The following KCNH7 variants were observed in gnomAD, a reference collection of about 807,000 sequenced individuals.
KCNH7 encodes voltage-gated inwardly rectifying potassium channel KCNH7.
Under a neutral mutation model 120.8 loss-of-function variants are expected in KCNH7, and 49 were observed. The observed-to-expected ratio is 0.41, with a 90% CI of 0.32 to 0.51. The LOEUF is 0.51. Ranked by LOEUF, KCNH7 falls within the 20% of genes least tolerant of loss-of-function variation. The pLI, the probability that KCNH7 is intolerant of heterozygous loss-of-function variation, is 0.38. For synonymous variants in KCNH7, 547 were observed against 516.1 expected (o/e 1.06, Z -0.81); for missense variants, 1,097 against 1,446.6 (o/e 0.76, Z 3.92).
rs773780548 is a variant in KCNH7, at chr2:162,512,666, G to A, written c.901C>T (p.Arg301Cys). The change falls in exon 5 of 16, where the codon CGC becomes TGC. Residue 301 changes from arginine (R) to cysteine (C), a missense_variant. Physicochemically the swap from Arg to Cys is radical, Grantham distance 180 (BLOSUM62 -3). Coordinates refer to ENST00000332142, the MANE Select transcript of KCNH7 (RefSeq NM_033272.4). ...RDRHASEDNG[R>C]NVKGPFNHIK... is the part of the protein sequence containing the mutation. Reference sequence around the variant, plus strand: ...GTTTGTACATTACCTTTGACATTGCGACCATTGTCTGTTTTGAGCACATAA... The same window carrying A: ...GTTTGTACATTACCTTTGACATTGCAACCATTGTCTGTTTTGAGCACATAA... The A allele has an allele frequency of 2.2e-5, 35 of 1,608,120 alleles. No homozygotes were observed. Among genetic ancestry groups the A allele is most frequent in the South Asian group, 1.5e-4 (14 of 90,462 alleles).
chr2:162,791,966 A>AT (rs1267533584), intron 2 of KCNH7, among the ~76,000 whole-genome samples: 1 of 151,682 alleles, frequency 6.6e-6, no homozygotes, highest in Non-Finnish European at 1.5e-5. Context: ...TCAATACCTA[A>AT]TTTATCGAGT....
intron 2 of KCNH7, among the ~76,000 whole-genome samples, chr2:162,658,619 C>T (rs1291991872): frequency 1.3e-5 from 2 of 152,064 alleles, no homozygotes; most frequent in African/African-American, 2.4e-5. Context: ...GGTTTCTCTT[C>T]GTTTATTTAG....
At chr2:162,444,599 A>G (rs1688524547) in intron 7 of KCNH7, among the ~76,000 whole-genome samples, 1 of 152,126 alleles carries the variant, frequency 6.6e-6, no homozygotes, top group South Asian at 2.1e-4. Context: ...AAAGACACAA[A>G]CTTCTTACAA....
chr2:162,449,768 C>CTGTGT (rs1368165092), intron 6 of KCNH7, among the ~76,000 whole-genome samples: 2 of 152,066 alleles, frequency 1.3e-5, no homozygotes, highest in Non-Finnish European at 2.9e-5. Flanking sequence ...TTTCAGACTT[C>CTGTGT]TAGACCACAG....
chr2:162,739,340 T>C (rs1326975741), intron 2 of KCNH7, among the ~76,000 whole-genome samples: 2 of 152,184 alleles, frequency 1.3e-5, no homozygotes, highest in South Asian at 2.1e-4. Context: ...TAATGTCAAC[T>C]GTCTACTCTC....
At chr2:162,766,803 G>C (rs1682829063) in intron 2 of KCNH7, among the ~76,000 whole-genome samples, 1 of 147,774 alleles carries the variant, frequency 6.8e-6, no homozygotes, top group South Asian at 2.1e-4. Context: ...CTCCAGAGAA[G>C]ATTTGATGCT....
At chr2:162,810,009 G>A (rs1684684442) in intron 2 of KCNH7, among the ~76,000 whole-genome samples, 1 of 23,478 alleles carries the variant, frequency 4.3e-5, no homozygotes, top group African/African-American at 1.2e-4. Flanking sequence ...TCCGCCTCCC[G>A]GGTTCACGCC....
intron 6 of KCNH7, among the ~76,000 whole-genome samples, chr2:162,484,150 A>G (rs137927800): frequency 7.2e-5 from 11 of 152,194 alleles, no homozygotes; most frequent in African/African-American, 2.6e-4. Context: ...GATATTGGGA[A>G]GCTCAGAATA....
intron 2 of KCNH7, among the ~76,000 whole-genome samples, chr2:162,775,788 A>C (rs1574373437): frequency 6.6e-6 from 1 of 152,312 alleles, no homozygotes; most frequent in Non-Finnish European, 1.5e-5. Context: ...GGCATAAGTG[A>C]ATATAGACTT....
intron 5 of KCNH7, among the ~76,000 whole-genome samples, chr2:162,507,945 C>T (rs79664485): frequency 1.3e-3 from 195 of 151,586 alleles, no homozygotes; most frequent in Non-Finnish European, 2.3e-3. Flanking sequence ...ATGTACTTAA[C>T]GCTTTTAAAA....
chr2:162,407,118 A>C (rs1346627328), intron 9 of KCNH7, among the ~76,000 whole-genome samples: 1 of 152,064 alleles, frequency 6.6e-6, no homozygotes, highest in Non-Finnish European at 1.5e-5. Flanking sequence ...ATTGTTGTCA[A>C]AGCAGAGCAT....
chr2:162,812,818 G>A (rs1047688164), intron 2 of KCNH7, among the ~76,000 whole-genome samples: 3 of 152,022 alleles, frequency 2.0e-5, no homozygotes, highest in Admixed American at 1.3e-4. Context: ...AAGACATTGC[G>A]TTATCAAGAA....
At chr2:162,820,407 A>G (rs1685078380) in intron 2 of KCNH7, among the ~76,000 whole-genome samples, 1 of 152,042 alleles carries the variant, frequency 6.6e-6, no homozygotes, top group Non-Finnish European at 1.5e-5. Context: ...ACAAATACAA[A>G]ATGAAGGGTA....
chr2:162,428,805 A>G (rs549023664), intron 8 of KCNH7, among the ~76,000 whole-genome samples: 3 of 151,854 alleles, frequency 2.0e-5, no homozygotes, highest in Non-Finnish European at 4.4e-5. Context: ...ATAACGCTAC[A>G]TTGTCTGAAG....
At chr2:162,421,958 AT>A (rs1268476390) in intron 9 of KCNH7, among the ~76,000 whole-genome samples, 4 of 152,182 alleles carry the variant, frequency 2.6e-5, no homozygotes, top group African/African-American at 7.2e-5. Context: ...TCCCCAAAAG[AT>A]TTTGAATGCT....
At chr2:162,511,604 C>T (rs1292143957) in intron 5 of KCNH7, among the ~76,000 whole-genome samples, 1 of 151,430 alleles carries the variant, frequency 6.6e-6, no homozygotes, top group Non-Finnish European at 1.5e-5. Context: ...TGGGGGGATA[C>T]TGCCATAATT....
chr2:162,590,359 C>T (rs1439559195), intron 2 of KCNH7, among the ~76,000 whole-genome samples: 2 of 152,098 alleles, frequency 1.3e-5, no homozygotes, highest in East Asian at 3.9e-4. Context: ...CAGGAAAGAG[C>T]TAGAGCAAGT....
intron 2 of KCNH7, among the ~76,000 whole-genome samples, chr2:162,688,732 C>CTTTT (rs71410027): frequency 7.3e-6 from 1 of 137,792 alleles, no homozygotes. Flanking sequence ...TGCCCCCATT[C>CTTTT]TTTTTTTTTT....
intron 6 of KCNH7, among the ~76,000 whole-genome samples, chr2:162,497,211 G>A (rs1429763772): frequency 6.6e-6 from 1 of 152,080 alleles, no homozygotes; most frequent in Non-Finnish European, 1.5e-5. Flanking sequence ...GAAACACTGA[G>A]TCACAATGAA....
Sources: allele counts gnomAD v4.1 joint callset (sites outside exome capture counted in the v4.1 genomes callset), GRCh38; gene constraint gnomAD v4.1.1; transcripts MANE v1.5; gene names NCBI Gene and HGNC (gene_info 2026-07-23, HGNC 2026-07-21).